The following TBC1D22A variants were observed in gnomAD, a reference collection of about 807,000 sequenced individuals.
The protein encoded by TBC1D22A is TBC1 domain family member 22A, also known as putative GTPase activator.
Under a neutral mutation model 60.2 loss-of-function variants are expected in TBC1D22A, and 38 were observed. The observed-to-expected ratio is 0.63, with a 90% CI of 0.49 to 0.83. TBC1D22A has a LOEUF of 0.83. Among genes scored for constraint, TBC1D22A ranks in the 40% least tolerant of loss-of-function variants. The pLI is 0.00. For missense variants in TBC1D22A, 628 were observed against 701.0 expected (o/e 0.90, Z 1.18); for synonymous variants, 302 against 281.7 (o/e 1.07, Z -0.72).
At chr22:46,816,846 A>G (rs2085623275) in intron 4 of TBC1D22A, among the ~76,000 whole-genome samples, 1 of 152,110 alleles carries the variant, frequency 6.6e-6, no homozygotes, top group Non-Finnish European at 1.5e-5. Flanking sequence ...GCTTGTGAAA[A>G]CTGAAAACCT....
chr22:47,136,698 C>T (rs1019243309), intron 12 of TBC1D22A, among the ~76,000 whole-genome samples: 3 of 152,202 alleles, frequency 2.0e-5, no homozygotes, highest in African/African-American at 7.2e-5. Flanking sequence ...TCAGCACTCA[C>T]CCACCCTGAG....
chr22:46,874,718 TGC>T (rs2067464659), intron 4 of TBC1D22A, among the ~76,000 whole-genome samples: 1 of 151,380 alleles, frequency 6.6e-6, no homozygotes, highest in Admixed American at 6.6e-5. Flanking sequence ...GGATTACAGG[TGC>T]ATGCCACCAC....
chr22:46,889,356 A>T (rs1349745148), intron 5 of TBC1D22A, among the ~76,000 whole-genome samples: 1 of 152,226 alleles, frequency 6.6e-6, no homozygotes, highest in Non-Finnish European at 1.5e-5. Context: ...TGATAGTTAG[A>T]TTCACAGTAC....
chr22:46,918,662 T>C (rs978063141), intron 8 of TBC1D22A, among the ~76,000 whole-genome samples: 3 of 152,138 alleles, frequency 2.0e-5, no homozygotes, highest in African/African-American at 7.2e-5. Flanking sequence ...AAGCATTTGA[T>C]AGTGGGGATC....
At position 46,808,630 on chromosome 22, in the gene TBC1D22A, G is replaced by A. The variant is rs185282728; in HGVS notation, c.637+11010G>A. Among the ~76,000 whole-genome samples, 10 of 151,932 alleles carry A rather than the reference G, an allele frequency of 6.6e-5. No homozygotes were observed. In the East Asian group the frequency reaches 1.9e-3, roughly 29 times the overall value. On this transcript the variant is annotated intron_variant, in intron 4 of 12. Coordinates refer to ENST00000337137, the MANE Select transcript of TBC1D22A (RefSeq NM_014346.5). ...TTTTTTTTGGGAGACAGTCTTGTTC[G>A]GTTGCCCAGGCCAGAGTGCAGTGGC...
At chr22:46,922,193 G>A (rs2070796094) in intron 8 of TBC1D22A, among the ~76,000 whole-genome samples, 1 of 152,202 alleles carries the variant, frequency 6.6e-6, no homozygotes, top group South Asian at 2.1e-4. Flanking sequence ...TCAGATGGCT[G>A]TAAATGTGTG....
intron 7 of TBC1D22A, among the ~76,000 whole-genome samples, chr22:46,909,163 G>C (rs1404927666): frequency 3.9e-5 from 6 of 152,220 alleles, no homozygotes; most frequent in Non-Finnish European, 7.3e-5. Context: ...TCATGCTTAT[G>C]AGTAGATATA....
chr22:47,158,313 G>A (rs1484047050), intron 12 of TBC1D22A, among the ~76,000 whole-genome samples: 3 of 152,238 alleles, frequency 2.0e-5, no homozygotes, highest in Non-Finnish European at 4.4e-5. Context: ...GCTTAAGAAA[G>A]TCCCAGGTAG....
intron 10 of TBC1D22A, among the ~76,000 whole-genome samples, chr22:47,030,481 T>C (rs2062433603): frequency 6.6e-6 from 1 of 152,236 alleles, no homozygotes; most frequent in Non-Finnish European, 1.5e-5. Flanking sequence ...GGATCTGCTG[T>C]TTAAAGTGCT....
At chr22:46,820,668 A>C (rs917059456) in intron 4 of TBC1D22A, among the ~76,000 whole-genome samples, 1 of 152,266 alleles carries the variant, frequency 6.6e-6, no homozygotes, top group Non-Finnish European at 1.5e-5. Flanking sequence ...CGATTTTAGA[A>C]TAAGCGCCAT....
At chr22:46,955,689 A>G (rs2073150943) in intron 8 of TBC1D22A, among the ~76,000 whole-genome samples, 1 of 152,252 alleles carries the variant, frequency 6.6e-6, no homozygotes, top group Non-Finnish European at 1.5e-5. Flanking sequence ...TTGAACCAAT[A>G]ATGCAGTTCT....
At chr22:46,960,632 T>A (rs1271426527) in intron 8 of TBC1D22A, among the ~76,000 whole-genome samples, 2 of 152,132 alleles carry the variant, frequency 1.3e-5, no homozygotes, top group Non-Finnish European at 2.9e-5. Flanking sequence ...CACACAGGCA[T>A]AGCTGAGGAC....
intron 11 of TBC1D22A, among the ~76,000 whole-genome samples, chr22:47,076,799 A>C (rs2064246659): frequency 6.6e-6 from 1 of 152,192 alleles, no homozygotes; most frequent in Non-Finnish European, 1.5e-5. Context: ...TTAAAAAAGA[A>C]TATCATCTCC....
intron 11 of TBC1D22A, among the ~76,000 whole-genome samples, chr22:47,065,023 A>C (rs1294385664): frequency 6.6e-6 from 1 of 152,162 alleles, no homozygotes; most frequent in Non-Finnish European, 1.5e-5. Flanking sequence ...TCACTCTGTC[A>C]CCCAGGCTGG....
At chr22:47,147,221 A>G (rs969474832) in intron 12 of TBC1D22A, among the ~76,000 whole-genome samples, 9 of 152,238 alleles carry the variant, frequency 5.9e-5, no homozygotes, top group Admixed American at 2.6e-4. Context: ...GCTAAGGAGC[A>G]ATACTAAACC....
chr22:46,988,253 C>G (rs916190294), intron 9 of TBC1D22A, among the ~76,000 whole-genome samples: 5 of 152,210 alleles, frequency 3.3e-5, no homozygotes, highest in African/African-American at 1.2e-4. Context: ...TTGAACCCCT[C>G]AAAGTCATTC....
chr22:46,982,972 G>A (rs778713330), intron 9 of TBC1D22A, among the ~76,000 whole-genome samples: 8 of 152,214 alleles, frequency 5.3e-5, no homozygotes, highest in South Asian at 2.1e-4. Context: ...GGACAGCTCC[G>A]CCTGGGAAGA....
intron 6 of TBC1D22A, among the ~76,000 whole-genome samples, chr22:46,892,896 C>T (rs539768463): frequency 3.9e-5 from 6 of 152,344 alleles, no homozygotes; most frequent in East Asian, 1.9e-4. Flanking sequence ...AGATGAGACA[C>T]GCCTGTGGCA....
chr22:46,916,066 G>T (rs992627186), intron 8 of TBC1D22A: 3 of 398,762 alleles, frequency 7.5e-6, no homozygotes, highest in African/African-American at 2.1e-5. Flanking sequence ...TATGCATGTA[G>T]TGAATTGTAT....
Sources: allele counts gnomAD v4.1 joint callset (sites outside exome capture counted in the v4.1 genomes callset), GRCh38; gene constraint gnomAD v4.1.1; transcripts MANE v1.5; gene names NCBI Gene and HGNC (gene_info 2026-07-23, HGNC 2026-07-21).